Variants in TNRC18 observed in about 807,000 individuals in gnomAD.
TNRC18 encodes the protein trinucleotide repeat containing 18, also known as trinucleotide repeat-containing gene 18 protein.
TNRC18 carries 69 observed loss-of-function variants against 226.7 expected under a neutral mutation model. The observed-to-expected ratio is 0.30, with a 90% confidence interval of 0.25 to 0.37. TNRC18 has a LOEUF of 0.37. TNRC18 is among the 10% of genes least tolerant of loss of function. TNRC18 has a pLI of 1.00. For missense variants in TNRC18, 4,754 were observed against 4,256.6 expected (o/e 1.12, Z -3.25); for synonymous variants, 2,449 against 1,927.6 (o/e 1.27, Z -7.09).
rs771594150 is a variant in TNRC18, at chr7:5,321,206, C to T, written c.6443-16G>A. ...GAGCGAGGGGCTGCAGGGGTTGGAT[C>T]GTGAGGCGAGGCTGGAGCCGGGGGC... On this transcript the variant is annotated splice_polypyrimidine_tract_variant and intron_variant, in intron 21 of 29. Transcript: ENST00000430969. The T allele has an allele frequency of 1.6e-5, 24 of 1,525,848 alleles. No individual in the cohort carries two copies. The highest frequency in any genetic ancestry group is 5.5e-5 in the African/African-American group (4 of 72,612). The allele number at this position is 1,525,848 out of a possible 1,614,324, so 94.5% of individuals were successfully genotyped here.
At chr7:5,329,847 C>T (rs911402824) in intron 19 of TNRC18, 3 of 463,400 alleles carry the variant, frequency 6.5e-6, no homozygotes, top group African/African-American at 6.1e-5. Flanking sequence ...CCAAGAGTTC[C>T]TTCTGTTGGA....
chr7:5,333,358 G>T (rs1232305235), intron 18 of TNRC18, among the ~76,000 whole-genome samples: 8 of 152,184 alleles, frequency 5.3e-5, no homozygotes, highest in African/African-American at 1.9e-4. Flanking sequence ...CAGAAGCCAG[G>T]GCAGCTGGGC....
Position 5,388,290 on chromosome 7 carries a change from G to T in TNRC18, c.1534C>A (p.Pro512Thr), listed in dbSNP as rs755538154. ...PPTGPEHKWKPFELGNFAATQ... is the reference protein window; with the variant it reads ...PPTGPEHKWKTFELGNFAATQ... ...GCGGCGAAGTTGCCCAGCTCGAAGG[G>T]TTTCCATTTATGCTCAGGGCCGGTG... The change falls in exon 5 of 30, where the codon CCC becomes ACC. Residue 512 changes from proline (P) to threonine (T), a missense_variant. Coordinates refer to ENST00000430969, the MANE Select transcript of TNRC18 (RefSeq NM_001080495.3). The T allele has an allele frequency of 6.5e-7, 1 of 1,539,688 alleles. No homozygotes were observed. The highest frequency in any genetic ancestry group is 1.1e-5 in the South Asian group (1 of 89,694).
In TNRC18 at chr7:5,387,705, G is replaced by C. The variant is rs1382862779; in HGVS notation, c.2119C>G (p.Gln707Glu). Residue 707 changes from glutamine to glutamate, a missense_variant, in exon 5 of 30, where the codon CAG becomes GAG. Transcript: ENST00000430969. ...TTACTCAGCGACAGAGAGCGCTCCT[G>C]GTCTACCAGCCCAGGCCCCAGCCGG... The part of the protein sequence containing the change: ...SGRLGPGLVD[Q>E]ERSLSLSNVK... 1 of 1,605,592 alleles carries C rather than the reference G, an allele frequency of 6.2e-7. No homozygotes were observed. The highest frequency in any genetic ancestry group is 8.5e-7 in the Non-Finnish European group (1 of 1,179,854).
intron 18 of TNRC18, among the ~76,000 whole-genome samples, chr7:5,334,460 C>CG (rs1439235293): frequency 2.6e-5 from 2 of 76,596 alleles, no homozygotes; most frequent in Non-Finnish European, 5.3e-5. Context: ...CCACGCCTGG[C>CG]ATTTTTTTTT....
intron 26 of TNRC18, among the ~76,000 whole-genome samples, chr7:5,314,171 T>C (rs1201069371): frequency 6.6e-6 from 1 of 151,894 alleles, no homozygotes; most frequent in Non-Finnish European, 1.5e-5. Flanking sequence ...ACAGTTTTGC[T>C]CCGTTGCCCA....
rs764988227 is a variant in TNRC18, at chr7:5,390,542, TGAG to T, written c.427_429del (p.Leu143del). 7 of 1,613,492 alleles carry T rather than the reference TGAG, an allele frequency of 4.3e-6. No homozygotes were observed. In the Admixed American group the frequency reaches 6.7e-5, roughly 15 times the overall value. On this transcript the variant is annotated inframe_deletion, in exon 4 of 30. Transcript: ENST00000430969. ...AAAATGCTGGGCTGACCCAGCTGGC[TGAG>T]GAGGGGGCTCCCACTGCTGGGGGGC...
At chr7:5,349,540 G>T (rs1254462541) in intron 17 of TNRC18, among the ~76,000 whole-genome samples, 1 of 152,184 alleles carries the variant, frequency 6.6e-6, no homozygotes, top group Non-Finnish European at 1.5e-5. Context: ...AGACCCGGTG[G>T]GGGCGAACCC....
intron 5 of TNRC18, 56 bp from the exon 6 acceptor site, chr7:5,378,080 C>G (rs2128182309): frequency 6.7e-7 from 1 of 1,483,454 alleles, no homozygotes; most frequent in South Asian, 1.1e-5. Flanking sequence ...CATCCCAGAC[C>G]CATTGGCCCC....
chr7:5,362,715 G>C lies in TNRC18; in HGVS notation c.4330C>G (p.Leu1444Val). ...DGPVVDPLKN[L>V]RLPRELKPNK... is the part of the protein sequence containing the mutation. Reference sequence around the variant, plus strand: ...GGCTTCAGCTCCCGCGGGAGCCGCAGGTTCTTGAGTGGGTCCACCACGGGC... The same window carrying C: ...GGCTTCAGCTCCCGCGGGAGCCGCACGTTCTTGAGTGGGTCCACCACGGGC... The change falls in exon 12 of 30, where the codon CTG becomes GTG. Residue 1444 changes from leucine (L) to valine (V), a missense_variant. Leu to Val is a conservative substitution (Grantham distance 32, BLOSUM62 1). Transcript: ENST00000430969. The C allele has an allele frequency of 6.3e-7, 1 of 1,581,060 alleles. No homozygotes were observed. Among genetic ancestry groups the C allele is most frequent in the Non-Finnish European group, 8.6e-7 (1 of 1,164,342 alleles).
At chr7:5,408,107 C>T (rs571261604) in intron 2 of TNRC18, among the ~76,000 whole-genome samples, 8 of 152,058 alleles carry the variant, frequency 5.3e-5, no homozygotes, top group African/African-American at 1.9e-4. Context: ...CGAGACCATC[C>T]TGGCCAACAT....
chr7:5,389,470 T>TG lies in TNRC18; in HGVS notation c.488-135_488-134insC, dbSNP rs1780124204. 12 of 1,077,846 alleles carry TG rather than the reference T, an allele frequency of 1.1e-5. 1 individual carries two copies. In the East Asian group the frequency reaches 3.1e-4, roughly 28 times the overall value. 66.8% of individuals were successfully genotyped at this position (1,077,846 alleles called of 1,614,324 possible). On this transcript the variant is annotated intron_variant, in intron 4 of 29. Coordinates refer to ENST00000430969, the MANE Select transcript of TNRC18 (RefSeq NM_001080495.3). ...CAGTGTTTTGGTTTTGGTTTTTTTT[T>TG]TCAGAAAGAGTCTCGCTCTCCTCAC...
rs1012605554 is a variant in TNRC18, at chr7:5,352,216, C to T, written c.5195-122G>A. The stretch of plus-strand genomic sequence containing the variant: ...GTGCCAGAACAAACAGGTCCGAATA[C>T]CTAGTAGGCGGCCGTACAAAGGCCT... On this transcript the variant is annotated intron_variant, in intron 16 of 29. Coordinates refer to ENST00000430969, the MANE Select transcript of TNRC18 (RefSeq NM_001080495.3). The T allele has an allele frequency of 3.8e-6, 4 of 1,047,296 alleles. No individual in the cohort carries two copies. The African/African-American group carries it at 6.5e-5, about 17-fold the overall frequency. 64.9% of individuals were successfully genotyped at this position (1,047,296 alleles called of 1,614,324 possible).
Position 5,307,949 on chromosome 7 carries a change from C to T in TNRC18, c.*157G>A. 4.5e-6 allele frequency: 3 copies of T among 660,586 alleles called. No individual in the cohort carries two copies. The highest frequency in any genetic ancestry group is 1.8e-5 in the South Asian group (1 of 54,092). 40.9% of individuals were successfully genotyped at this position (660,586 alleles called of 1,614,324 possible). ...GCGTGCACACACGTGCATGCACACA[C>T]ACTCACCCGGGCATCCACGTGCACA... is the stretch of plus-strand genomic sequence containing the variant. On this transcript the variant is annotated 3_prime_UTR_variant, in exon 30 of 30. Coordinates refer to ENST00000430969, the MANE Select transcript of TNRC18 (RefSeq NM_001080495.3).
At chr7:5,342,151 G>A (rs930239609) in intron 18 of TNRC18, among the ~76,000 whole-genome samples, 14 of 152,064 alleles carry the variant, frequency 9.2e-5, no homozygotes, top group East Asian at 3.9e-4. Flanking sequence ...ATTCTAGGCC[G>A]GGTGCAGTGG....
chr7:5,320,648 C>T (rs750678999), intron 22 of TNRC18, 41 bp from the exon 23 acceptor site: 4 of 1,584,048 alleles, frequency 2.5e-6, no homozygotes, highest in Non-Finnish European at 2.6e-6. Flanking sequence ...GAGGCCGAGA[C>T]CTCCCCAGAG....
At position 5,313,120 on chromosome 7, in the gene TNRC18, C is replaced by G; in HGVS notation, c.7771G>C (p.Gly2591Arg). 6.8e-7 allele frequency: 1 copy of G among 1,481,264 alleles called. No homozygotes were observed. The highest frequency in any genetic ancestry group is 9.1e-7 in the Non-Finnish European group (1 of 1,093,346). 91.8% of individuals were successfully genotyped at this position (1,481,264 alleles called of 1,614,324 possible). ...CCCCCGGTGCCGCAGCCCCCGTCCC[C>G]GTTCTTGTCGCCTTCCTCCTCCCCT... is the stretch of plus-strand genomic sequence containing the variant. ...TEGEEEGDKN[G>R]DGGCGTGGRN... The change falls in exon 27 of 30, where the codon GGG becomes CGG. Residue 2591 changes from glycine (G) to arginine (R), a missense_variant. Gly to Arg is a moderately radical substitution (Grantham distance 125). Coordinates refer to ENST00000430969, the MANE Select transcript of TNRC18 (RefSeq NM_001080495.3).
chr7:5,321,010 C>T lies in TNRC18; in HGVS notation c.6560+63G>A, dbSNP rs954391408. The T allele has an allele frequency of 1.8e-5, 22 of 1,206,332 alleles. No individual in the cohort carries two copies. The African/African-American group carries it at 2.4e-4, about 13-fold the overall frequency. 74.7% of individuals were successfully genotyped at this position (1,206,332 alleles called of 1,614,324 possible). A position where few individuals can be genotyped will look rare whatever the true frequency, so the allele number is the denominator to read the frequency against. ...AAGGAGAAGCAGCCAGGCACAGAGG[C>T]GGCCGGGACACGGGGCGGGTATGGG... is the stretch of plus-strand genomic sequence containing the variant. On this transcript the variant is annotated intron_variant, in intron 22 of 29. Coordinates refer to ENST00000430969, the MANE Select transcript of TNRC18 (RefSeq NM_001080495.3).
At chr7:5,391,856 T>TTTTA (rs1160520066) in intron 3 of TNRC18, among the ~76,000 whole-genome samples, 9 of 129,398 alleles carry the variant, frequency 7.0e-5, no homozygotes, top group Non-Finnish European at 3.4e-5. Context: ...AAAAAAAATT[T>TTTTA]AAATAGTTTT....
Sources: gnomAD v4.1 joint callset for allele counts (sites outside exome capture counted in the v4.1 genomes callset) on GRCh38, gnomAD v4.1.1 for gene constraint, MANE v1.5 for transcripts, NCBI Gene and HGNC (gene_info 2026-07-23, HGNC 2026-07-21) for gene names.